Variants in ZBED4 observed in about 807,000 individuals in gnomAD.
ZBED4 encodes zinc finger BED domain-containing protein 4.
ZBED4 carries 4 observed loss-of-function variants against 15.5 expected under a neutral mutation model. That is an observed-to-expected ratio of 0.26 (90% CI 0.13 to 0.59). The LOEUF is 0.59. ZBED4 is among the 20% of genes least tolerant of loss of function. The pLI is 0.90. For synonymous variants in ZBED4, 692 were observed against 608.5 expected (o/e 1.14, Z -2.02); for missense variants, 1,323 against 1,461.8 (o/e 0.91, Z 1.55).
intron 1 of ZBED4, among the ~76,000 whole-genome samples, chr22:49,865,315 A>C (rs928368084): frequency 6.6e-6 from 1 of 151,972 alleles, no homozygotes; most frequent in Non-Finnish European, 1.5e-5. Flanking sequence ...CTCTTTGCCG[A>C]GTGAGGTGTT....
intron 1 of ZBED4, among the ~76,000 whole-genome samples, chr22:49,859,112 G>T (rs2060286825): frequency 6.6e-6 from 1 of 152,108 alleles, no homozygotes; most frequent in African/African-American, 2.4e-5. Flanking sequence ...CTGTTTGCTG[G>T]TCTCCCCAGA....
chr22:49,886,171 A>C lies in ZBED4; in HGVS notation c.2509A>C (p.Ser837Arg). The C allele has an allele frequency of 1.4e-6, 1 of 701,822 alleles. No homozygotes were observed. Among genetic ancestry groups the C allele is most frequent in the Non-Finnish European group, 2.6e-6 (1 of 385,158 alleles). The allele number at this position is 701,822 out of a possible 1,614,324, so 43.5% of individuals were successfully genotyped here. ...CFSHTVNLIV[S>R]EAIKSQRMVQ... ...CAGCCATACGGTGAACCTGATCGTC[A>C]GCGAGGCCATTAAGAGCCAGCGGAT... The change falls in exon 2 of 2, where the codon AGC becomes CGC. Residue 837 changes from serine to arginine, a missense_variant. Physicochemically the swap from Ser to Arg is moderately radical, Grantham distance 110. This residue lies in a region of ZBED4 where 100 missense variants were observed against 79.3 expected (regional missense o/e 1.26). Transcript: ENST00000216268. This position sits in a 1 kb window ranked among gnomAD's most constrained non-coding sequence, Gnocchi z 7.7.
In ZBED4 at chr22:49,887,159, T is replaced by G; in HGVS notation, c.3497T>G (p.Leu1166Ter). 1 of 1,611,464 alleles carries G rather than the reference T, an allele frequency of 6.2e-7. No individual in the cohort carries two copies. Among genetic ancestry groups the G allele is most frequent in the Non-Finnish European group, 8.5e-7 (1 of 1,178,442 alleles). The change falls in exon 2 of 2, where the codon TTA becomes TGA. Residue 1166 changes from leucine (L) to a stop codon, truncating the protein, a stop_gained. Transcript: ENST00000216268. LOFTEE classifies it high-confidence loss of function. ...KLIFLKVNLP[L>*]IYFQY ...ATCTTTTTGAAAGTGAATCTTCCCT[T>G]AATATACTTTCAGTATTGAAACTCA... is the stretch of plus-strand genomic sequence containing the variant.
intron 1 of ZBED4, among the ~76,000 whole-genome samples, chr22:49,858,200 C>G (rs1309145364): frequency 1.3e-5 from 2 of 152,198 alleles, no homozygotes; most frequent in East Asian, 1.9e-4. Context: ...CCGTGCCCGG[C>G]CCCCTTCTCA....
intron 1 of ZBED4, among the ~76,000 whole-genome samples, chr22:49,862,195 C>T (rs74825591): frequency 1.1e-3 from 169 of 152,370 alleles, no homozygotes; most frequent in African/African-American, 3.9e-3. Flanking sequence ...TCCCCGAGGG[C>T]GGTTGGCCCT....
At chr22:49,862,891 A>G (rs1331386984) in intron 1 of ZBED4, among the ~76,000 whole-genome samples, 1 of 151,680 alleles carries the variant, frequency 6.6e-6, no homozygotes, top group Non-Finnish European at 1.5e-5. Flanking sequence ...TAGTAGAGAC[A>G]GGGTTTCACC....
chr22:49,875,329 TA>T (rs1465750201), intron 1 of ZBED4, among the ~76,000 whole-genome samples: 14 of 152,128 alleles, frequency 9.2e-5, no homozygotes, highest in African/African-American at 2.4e-5. Flanking sequence ...AATTTGTAAA[TA>T]AAAGGCTAAT....
rs1463619510 is a variant in ZBED4, at chr22:49,871,756, TA to T, written c.-329-11577del. Among the ~76,000 whole-genome samples the T allele has an allele frequency of 6.9e-4, 32 of 46,240 alleles. 1 individual carries two copies. Among genetic ancestry groups the T allele is most frequent in the African/African-American group, 1.2e-3 (25 of 21,580 alleles). The allele number at this position is 46,240 out of a possible 152,430, so 30.3% of individuals were successfully genotyped here. On this transcript the variant is annotated intron_variant, in intron 1 of 1. Coordinates refer to ENST00000216268, the MANE Select transcript of ZBED4 (RefSeq NM_014838.3). ...GGCTGTGACAATTTATTTATTTATT[TA>T]TTTTTTTTTTTTTTTGAGACAGAGT...
intron 1 of ZBED4, among the ~76,000 whole-genome samples, chr22:49,874,413 T>C (rs2060365006): frequency 6.6e-6 from 1 of 150,704 alleles, no homozygotes; most frequent in Non-Finnish European, 1.5e-5. Context: ...TTAGATGGAG[T>C]CTTGCTCTAT....
chr22:49,883,775 A>G lies in ZBED4; in HGVS notation c.113A>G (p.Glu38Gly). Residue 38 changes from glutamate (E) to glycine (G), a missense_variant, in exon 2 of 2, where the codon GAA becomes GGA. Around this residue, in one of 6 missense-constraint regions of ZBED4, gnomAD observed 380 missense variants for 413.7 expected, o/e 0.92. Transcript: ENST00000216268. ...DDDGIPPDSLERMDFKSEQED... is the reference protein window; with the variant it reads ...DDDGIPPDSLGRMDFKSEQED... ...GATGGAATTCCTCCTGATAGTTTGG[A>G]AAGAATGGACTTTAAAAGCGAGCAG... The G allele has an allele frequency of 1.2e-6, 2 of 1,613,376 alleles. No individual in the cohort carries two copies. Among genetic ancestry groups the G allele is most frequent in the Non-Finnish European group, 1.7e-6 (2 of 1,179,338 alleles).
intron 1 of ZBED4, among the ~76,000 whole-genome samples, chr22:49,882,870 G>C (rs752182939): frequency 1.3e-5 from 2 of 152,208 alleles, no homozygotes; most frequent in Non-Finnish European, 1.5e-5. Context: ...TTCCTATTCA[G>C]CTTTTCGTCT....
chr22:49,884,324 G>A lies in ZBED4; in HGVS notation c.662G>A (p.Arg221Gln), dbSNP rs1322190757. 11 of 1,613,710 alleles carry A rather than the reference G, an allele frequency of 6.8e-6. No individual in the cohort carries two copies. Among genetic ancestry groups the A allele is most frequent in the East Asian group, 2.2e-5 (1 of 44,882 alleles). Residue 221 changes from arginine (R) to glutamine (Q), a missense_variant, in exon 2 of 2, where the codon CGA becomes CAA. Transcript: ENST00000216268. Reference sequence around the variant, plus strand: ...GCGTCTAAGATCCCGTCCCCCGATCGAATAACAGAGGAGTCTGTGTCTGTA... The same window carrying A: ...GCGTCTAAGATCCCGTCCCCCGATCAAATAACAGAGGAGTCTGTGTCTGTA... ...KVASKIPSPD[R>Q]ITEESVSVVS...
intron 1 of ZBED4, among the ~76,000 whole-genome samples, chr22:49,863,879 T>C (rs1306084912): frequency 6.6e-6 from 1 of 152,190 alleles, no homozygotes; most frequent in Non-Finnish European, 1.5e-5. Context: ...TTTAAACATA[T>C]TTGGGATGTT....
intron 1 of ZBED4, among the ~76,000 whole-genome samples, chr22:49,871,776 A>T (rs1432964891): frequency 2.2e-5 from 3 of 139,122 alleles, no homozygotes; most frequent in African/African-American, 7.6e-5. Context: ...TTTTTTTGAG[A>T]CAGAGTCTTA....
chr22:49,859,142 T>G (rs186628309), intron 1 of ZBED4, among the ~76,000 whole-genome samples: 2 of 152,302 alleles, frequency 1.3e-5, no homozygotes, highest in East Asian at 1.9e-4. Context: ...CAGTGGCACC[T>G]TGGCTTTAGT....
chr22:49,862,459 G>A (rs951546147), intron 1 of ZBED4, among the ~76,000 whole-genome samples: 1 of 152,200 alleles, frequency 6.6e-6, no homozygotes, highest in Non-Finnish European at 1.5e-5. Context: ...GTGTGGCACA[G>A]ATACAGAAAC....
chr22:49,870,135 G>A (rs905485989), intron 1 of ZBED4, among the ~76,000 whole-genome samples: 1 of 152,208 alleles, frequency 6.6e-6, no homozygotes, highest in Non-Finnish European at 1.5e-5. Context: ...ATGCATGCAT[G>A]TTGCTGCAAG....
chr22:49,883,556 G>A lies in ZBED4; in HGVS notation c.-107G>A. On this transcript the variant is annotated 5_prime_UTR_variant, in exon 2 of 2. The change abolishes an upstream ATG in the 5' untranslated region. Transcript: ENST00000216268. ...TATTTCTAGAAACATCCTGAAAGAT[G>A]GAATTATGACGAAAAAGTGAAGATA... 7.2e-7 allele frequency: 1 copy of A among 1,394,624 alleles called. No homozygotes were observed. The highest frequency in any genetic ancestry group is 9.5e-7 in the Non-Finnish European group (1 of 1,052,262). 86.4% of individuals were successfully genotyped at this position (1,394,624 alleles called of 1,614,324 possible). A position where few individuals can be genotyped will look rare whatever the true frequency, so the allele number is the denominator to read the frequency against.
Position 49,884,499 on chromosome 22 carries a change from G to T in ZBED4, c.837G>T (p.Lys279Asn). The T allele has an allele frequency of 6.2e-7, 1 of 1,614,162 alleles. No homozygotes were observed. Among genetic ancestry groups the T allele is most frequent in the Non-Finnish European group, 8.5e-7 (1 of 1,180,042 alleles). Residue 279 changes from lysine to asparagine, a missense_variant, in exon 2 of 2, where the codon AAG becomes AAT. Coordinates refer to ENST00000216268, the MANE Select transcript of ZBED4 (RefSeq NM_014838.3). The part of the protein sequence containing the change: ...NLAEKSLPLP[K>N]STSGSRRRSA... ...CGGAGAAGAGCCTTCCACTTCCAAAGAGCACCTCTGGGTCCAGGAGAAGGT... is the reference window on the plus strand; with the variant it reads ...CGGAGAAGAGCCTTCCACTTCCAAATAGCACCTCTGGGTCCAGGAGAAGGT...
Sources: allele counts gnomAD v4.1 joint callset (sites outside exome capture counted in the v4.1 genomes callset), GRCh38; gene constraint gnomAD v4.1.1; regional missense constraint gnomAD v4.1.1; non-coding constraint Gnocchi (gnomAD v3.1); transcripts MANE v1.5; gene names NCBI Gene and HGNC (gene_info 2026-07-23, HGNC 2026-07-21).